The following PTPRE variants were observed in gnomAD, a reference collection of about 807,000 sequenced individuals.
PTPRE encodes the protein protein tyrosine phosphatase receptor type E.
Under a neutral mutation model 102.0 loss-of-function variants are expected in PTPRE, and 51 were observed. The ratio of observed to expected loss-of-function variants is 0.50; its 90% CI spans 0.40 to 0.63. PTPRE has a LOEUF of 0.63. Ranked by LOEUF, PTPRE falls within the 30% of genes least tolerant of loss-of-function variation. The pLI is 0.00. For missense variants in PTPRE, 752 were observed against 915.1 expected (o/e 0.82, Z 2.30); for synonymous variants, 345 against 348.2 (o/e 0.99, Z 0.10).
At chr10:128,063,438 C>T (rs867685879) in intron 10 of PTPRE, among the ~76,000 whole-genome samples, 37 of 152,178 alleles carry the variant, frequency 2.4e-4, no homozygotes, top group African/African-American at 8.7e-4. Context: ...TAAGAGTGGC[C>T]CCCGGCTGGC....
chr10:127,973,978 G>T (rs987250473), intron 1 of PTPRE, among the ~76,000 whole-genome samples: 3 of 152,182 alleles, frequency 2.0e-5, no homozygotes, highest in African/African-American at 7.2e-5. Context: ...CCTGCATCTG[G>T]ACCACAGGTG....
At chr10:128,039,551 CTCA>C (rs1466502657) in intron 2 of PTPRE, among the ~76,000 whole-genome samples, 4 of 152,168 alleles carry the variant, frequency 2.6e-5, no homozygotes, top group African/African-American at 7.2e-5. Flanking sequence ...TTATAATATC[CTCA>C]TAATGGTTTC....
At chr10:128,040,066 C>T (rs1847548405) in intron 2 of PTPRE, among the ~76,000 whole-genome samples, 1 of 152,200 alleles carries the variant, frequency 6.6e-6, no homozygotes, top group South Asian at 2.1e-4. Flanking sequence ...ATTCCCACCC[C>T]CTACCCCCAA....
rs1371600485 is a variant in PTPRE, at chr10:128,063,199, G to A, written c.723+19G>A. The A allele has an allele frequency of 6.2e-7, 1 of 1,613,312 alleles. No individual in the cohort carries two copies. Among genetic ancestry groups the A allele is most frequent in the East Asian group, 2.2e-5 (1 of 44,890 alleles). On this transcript the variant is annotated intron_variant, in intron 10 of 20. Coordinates refer to ENST00000254667, the MANE Select transcript of PTPRE (RefSeq NM_006504.6). ...GAAAGAGGTGAGTTCCAGGCATCTG[G>A]CCCCGGTATCACTTCCTTTCAGCTG... is the stretch of plus-strand genomic sequence containing the variant.
At chr10:127,978,793 G>A (rs149094290) in intron 1 of PTPRE, among the ~76,000 whole-genome samples, 6,562 of 152,204 alleles carry the variant, frequency 0.043, 225 homozygotes, top group Admixed American at 0.09. Flanking sequence ...GGCCGAGGAG[G>A]GTGGATCACT....
intron 1 of PTPRE, among the ~76,000 whole-genome samples, chr10:127,916,146 C>A (rs2135153007): frequency 6.6e-6 from 1 of 152,154 alleles, no homozygotes; most frequent in South Asian, 2.1e-4. Context: ...CCAGGTAGAG[C>A]AGTGACGTGG....
intron 17 of PTPRE, 30 bp downstream of exon 17, chr10:128,073,501 C>CA (rs1382755379): frequency 1.3e-6 from 2 of 1,598,376 alleles, no homozygotes; most frequent in Non-Finnish European, 1.7e-6. Flanking sequence ...CCGGTCCCTC[C>CA]AGGGCAGCCT....
At chr10:128,056,885 C>T (rs1849019505) in intron 7 of PTPRE, among the ~76,000 whole-genome samples, 1 of 151,900 alleles carries the variant, frequency 6.6e-6, no homozygotes. Flanking sequence ...TGTCTTGGTG[C>T]CAAGACAAAC....
At chr10:128,027,333 C>A (rs936686446) in intron 2 of PTPRE, among the ~76,000 whole-genome samples, 5 of 152,212 alleles carry the variant, frequency 3.3e-5, no homozygotes, top group Admixed American at 3.3e-4. Context: ...TCTCCCTCCT[C>A]GGCTGCTTTT....
At chr10:127,975,248 G>T (rs1313656053) in intron 1 of PTPRE, among the ~76,000 whole-genome samples, 1 of 152,170 alleles carries the variant, frequency 6.6e-6, no homozygotes, top group African/African-American at 2.4e-5. Context: ...CGTGGTGTCT[G>T]CCCGACTTGA....
At chr10:128,082,013 C>T (rs900572595) in intron 20 of PTPRE, among the ~76,000 whole-genome samples, 1 of 152,172 alleles carries the variant, frequency 6.6e-6, no homozygotes, top group Non-Finnish European at 1.5e-5. Context: ...GCCCCTGTCC[C>T]GGCCCCAAAC....
chr10:127,926,516 C>A (rs917032608), intron 1 of PTPRE, among the ~76,000 whole-genome samples: 1 of 151,850 alleles, frequency 6.6e-6, no homozygotes, highest in African/African-American at 2.4e-5. Context: ...GTATTTTGTT[C>A]GGTTTCCTAG....
In PTPRE at chr10:128,018,874, A is replaced by T. The variant is rs561150526; in HGVS notation, c.-7-22001A>T. Reference sequence around the variant, plus strand: ...CTGCATCTCTGTCTCTCTCTCTCTCACACACACACACACACTCACACAGCA... The same window carrying T: ...CTGCATCTCTGTCTCTCTCTCTCTCTCACACACACACACACTCACACAGCA... On this transcript the variant is annotated intron_variant, in intron 2 of 20. Coordinates refer to ENST00000254667, the MANE Select transcript of PTPRE (RefSeq NM_006504.6). Among the ~76,000 whole-genome samples the T allele has an allele frequency of 3.4e-3, 508 of 149,520 alleles. 6 individuals are homozygous for T. The highest frequency in any genetic ancestry group is 0.012 in the African/African-American group (484 of 40,686).
intron 7 of PTPRE, 104 bp downstream of exon 7, chr10:128,056,317 C>T: frequency 1.1e-6 from 1 of 935,438 alleles, no homozygotes; most frequent in South Asian, 1.4e-5. Context: ...TGCTCAGAGG[C>T]CCCAAATCAG....
chr10:127,995,203 C>A (rs1404850405), intron 2 of PTPRE, among the ~76,000 whole-genome samples: 1 of 152,198 alleles, frequency 6.6e-6, no homozygotes, highest in Non-Finnish European at 1.5e-5. Context: ...CTTCACAGAT[C>A]CACACATCTT....
At chr10:128,034,325 A>ACCCCCCCCCCCCCCCCCCCCCCC (rs58597055) in intron 2 of PTPRE, among the ~76,000 whole-genome samples, 4 of 147,058 alleles carry the variant, frequency 2.7e-5, no homozygotes, top group African/African-American at 1.0e-4. Flanking sequence ...CCTCCACACC[A>ACCCCCCCCCCCCCCCCCCCCCCC]CCCCCCCCAC....
At chr10:128,040,069 A>G (rs1847549183) in intron 2 of PTPRE, among the ~76,000 whole-genome samples, 1 of 151,908 alleles carries the variant, frequency 6.6e-6, no homozygotes, top group African/African-American at 2.4e-5. Context: ...CCCACCCCCT[A>G]CCCCCAATAA....
chr10:127,987,333 C>T (rs1274939207), intron 2 of PTPRE: 1 of 1,273,780 alleles, frequency 7.9e-7, no homozygotes, highest in Non-Finnish European at 1.0e-6. Context: ...TCTCAGCTGT[C>T]AGGGAAACAT....
chr10:127,977,947 C>T (rs1256699279), intron 1 of PTPRE, among the ~76,000 whole-genome samples: 1 of 152,202 alleles, frequency 6.6e-6, no homozygotes, highest in Non-Finnish European at 1.5e-5. Flanking sequence ...GCCAAAGCTC[C>T]AGCCAAAGCT....
Sources: allele counts gnomAD v4.1 joint callset (sites outside exome capture counted in the v4.1 genomes callset), GRCh38; gene constraint gnomAD v4.1.1; transcripts MANE v1.5; gene names NCBI Gene and HGNC (gene_info 2026-07-23, HGNC 2026-07-21).